The following MED13L variants were observed in gnomAD, a reference collection of about 807,000 sequenced individuals.
MED13L encodes the protein mediator complex subunit 13L.
Under a neutral mutation model 220.9 loss-of-function variants are expected in MED13L, and 7 were observed. The observed-to-expected ratio is 0.03, with a 90% CI of 0.02 to 0.06. MED13L has a LOEUF of 0.06. Among genes scored for constraint, MED13L ranks in the 10% least tolerant of loss-of-function variants. The pLI is 1.00. For synonymous variants in MED13L, 1,011 were observed against 1,015.2 expected (o/e 1.00, Z 0.08); for missense variants, 1,965 against 2,760.5 (o/e 0.71, Z 6.46).
intron 4 of MED13L, among the ~76,000 whole-genome samples, chr12:116,036,834 GTTTTC>G (rs745487483): frequency 2.6e-5 from 4 of 152,266 alleles, no homozygotes; most frequent in South Asian, 2.1e-4. Context: ...GGTATACTGA[GTTTTC>G]TTTTATCGGA....
At chr12:116,112,941 T>C (rs1013310376) in intron 2 of MED13L, among the ~76,000 whole-genome samples, 2 of 152,224 alleles carry the variant, frequency 1.3e-5, no homozygotes, top group African/African-American at 4.8e-5. Flanking sequence ...ACCATTATTT[T>C]GCAAACCACC....
intron 2 of MED13L, among the ~76,000 whole-genome samples, chr12:116,215,439 T>C (rs190672303): frequency 1.3e-5 from 2 of 152,318 alleles, no homozygotes; most frequent in Non-Finnish European, 2.9e-5. Flanking sequence ...TCAAACATCC[T>C]CTTAACCTGC....
At chr12:116,036,036 G>C (rs778495244) in intron 4 of MED13L, among the ~76,000 whole-genome samples, 1 of 151,972 alleles carries the variant, frequency 6.6e-6, no homozygotes, top group Non-Finnish European at 1.5e-5. Context: ...CATTTATTTT[G>C]ATGGTCTCCC....
At position 116,277,018 on chromosome 12, in the gene MED13L, C is replaced by G. The variant is rs765021303; in HGVS notation, c.72+42G>C. ...GGCGGCGGAGGTCGGGGACCCCCCC[C>G]CTTCCCCGGCACAGCCCCCTCCCCG... is the stretch of plus-strand genomic sequence containing the variant. On this transcript the variant is annotated intron_variant, in intron 1 of 30. Transcript: ENST00000281928. 3.0e-4 allele frequency: 419 copies of G among 1,408,590 alleles called. 2 individuals carry two copies. The highest frequency in any genetic ancestry group is 9.6e-4 in the South Asian group (78 of 80,920). The allele number at this position is 1,408,590 out of a possible 1,614,324, so 87.3% of individuals were successfully genotyped here. A position where few individuals can be genotyped will look rare whatever the true frequency, so the allele number is the denominator to read the frequency against.
intron 2 of MED13L, among the ~76,000 whole-genome samples, chr12:116,161,770 A>G (rs1423476915): frequency 6.6e-6 from 1 of 152,192 alleles, no homozygotes; most frequent in Non-Finnish European, 1.5e-5. Flanking sequence ...AAACAAATAT[A>G]TATTGGCTTG....
chr12:115,980,524 A>C (rs780141849), intron 23 of MED13L: 20 of 586,670 alleles, frequency 3.4e-5, no homozygotes, highest in Non-Finnish European at 5.5e-5. Flanking sequence ...GGGTCTTGCT[A>C]TGTTGCCCAG....
chr12:116,123,633 T>C (rs569520254), intron 2 of MED13L, among the ~76,000 whole-genome samples: 3 of 152,290 alleles, frequency 2.0e-5, no homozygotes, highest in South Asian at 4.1e-4. Context: ...AGTCCCCAAA[T>C]TGCCTTTTAC....
intron 22 of MED13L, among the ~76,000 whole-genome samples, chr12:115,981,166 T>C (rs1179840034): frequency 6.6e-6 from 1 of 152,204 alleles, no homozygotes; most frequent in Non-Finnish European, 1.5e-5. Flanking sequence ...GATGTACGAT[T>C]ATGTTGGTCA....
intron 3 of MED13L, among the ~76,000 whole-genome samples, chr12:116,100,598 CAAAAAAAAAAA>C (rs760855189): frequency 1.0e-4 from 7 of 68,002 alleles, no homozygotes; most frequent in African/African-American, 3.4e-4. Flanking sequence ...GACTCCGTCT[CAAAAAAAAAAA>C]AAAAAAAAAA....
At chr12:116,088,887 T>C (rs1035097177) in intron 4 of MED13L, among the ~76,000 whole-genome samples, 4 of 151,964 alleles carry the variant, frequency 2.6e-5, no homozygotes, top group Admixed American at 6.6e-5. Context: ...TTGTTCAGAA[T>C]ATAATTCAAA....
rs770166243 is a variant in MED13L at position 116,015,163 on chromosome 12, T to C, written c.1121A>G (p.Asn374Ser). ...CTTCCAGACTCGATGGACCATATGA[T>C]TGTGGAGTTTTGGAGGAATCTTCCC... ...RSGKIPPKLHNHMVHRVWKEC... is the reference protein window; with the variant it reads ...RSGKIPPKLHSHMVHRVWKEC... Residue 374 changes from asparagine to serine, a missense_variant, in exon 8 of 31, where the codon AAT becomes AGT. Around this residue, in one of 10 missense-constraint regions of MED13L, gnomAD observed 818 missense variants for 1,041.2 expected, o/e 0.79. Transcript: ENST00000281928. 4 of 1,613,824 alleles carry C rather than the reference T, an allele frequency of 2.5e-6. No homozygotes were observed. Among genetic ancestry groups the C allele is most frequent in the East Asian group, 2.2e-5 (1 of 44,870 alleles).
At chr12:116,088,162 C>A (rs766673862) in intron 4 of MED13L, among the ~76,000 whole-genome samples, 8 of 152,088 alleles carry the variant, frequency 5.3e-5, no homozygotes, top group Non-Finnish European at 1.0e-4. Flanking sequence ...TACCCCTCCA[C>A]CCCCCTTTTT....
At chr12:116,017,463 G>C (rs1376004142) in intron 7 of MED13L, among the ~76,000 whole-genome samples, 1 of 152,166 alleles carries the variant, frequency 6.6e-6, no homozygotes, top group Non-Finnish European at 1.5e-5. Flanking sequence ...TCAAAATACT[G>C]ATAATTCTAA....
At chr12:116,156,921 T>C (rs1878488073) in intron 2 of MED13L, among the ~76,000 whole-genome samples, 1 of 152,108 alleles carries the variant, frequency 6.6e-6, no homozygotes, top group South Asian at 2.1e-4. Flanking sequence ...AAAGAGCAAC[T>C]AGACAGAAGG....
intron 4 of MED13L, among the ~76,000 whole-genome samples, chr12:116,065,859 G>C (rs557066656): frequency 1.3e-3 from 194 of 152,352 alleles, no homozygotes; most frequent in Non-Finnish European, 2.2e-3. Flanking sequence ...AAGAAAAACA[G>C]AACTGTGCAA....
At chr12:116,019,187 A>G (rs754628116) in intron 7 of MED13L, 37 bp downstream of exon 7, 61 of 1,594,028 alleles carry the variant, frequency 3.8e-5, no homozygotes, top group Non-Finnish European at 5.0e-5. Context: ...ATTGTCTGAG[A>G]TCTCTTCTCC....
At chr12:115,993,260 A>G (rs1270980902) in intron 16 of MED13L, among the ~76,000 whole-genome samples, 1 of 152,192 alleles carries the variant, frequency 6.6e-6, no homozygotes, top group African/African-American at 2.4e-5. Context: ...ATGTATATGT[A>G]TATTAGCATA....
At chr12:115,981,028 G>A in intron 22 of MED13L, 90 bp from the exon 23 acceptor site, 3 of 1,101,988 alleles carry the variant, frequency 2.7e-6, no homozygotes, top group Non-Finnish European at 4.0e-6. Context: ...AAAGGAAACG[G>A]CATGAATTCC....
In MED13L at chr12:116,276,568, T is replaced by G. The variant is rs899371570; in HGVS notation, c.72+492A>C. On this transcript the variant is annotated intron_variant, in intron 1 of 30. Coordinates refer to ENST00000281928, the MANE Select transcript of MED13L (RefSeq NM_015335.5). ...TGACACAATCGCATTCAATCAACTA[T>G]TTTAGGGCGAAATTGCAGGTGTCAT... The G allele has an allele frequency of 4.9e-6, 6 of 1,234,296 alleles. No homozygotes were observed. In the Admixed American group the frequency reaches 9.8e-5, roughly 20 times the overall value. 76.5% of individuals were successfully genotyped at this position (1,234,296 alleles called of 1,614,324 possible). A position where few individuals can be genotyped will look rare whatever the true frequency, so the allele number is the denominator to read the frequency against.
Sources: allele counts gnomAD v4.1 joint callset (sites outside exome capture counted in the v4.1 genomes callset), GRCh38; gene constraint gnomAD v4.1.1; regional missense constraint gnomAD v4.1.1; transcripts MANE v1.5; gene names NCBI Gene and HGNC (gene_info 2026-07-23, HGNC 2026-07-21).